FBXW12: variants seen among roughly 807,000 people sequenced by gnomAD.
The protein encoded by FBXW12 is F-box/WD repeat-containing protein 12.
In FBXW12, 43 loss-of-function variants were observed where a neutral mutation model predicts 55.3. That is an observed-to-expected ratio of 0.78 (90% CI 0.61 to 1.00). FBXW12 has a LOEUF of 1.00. FBXW12 is among the 50% of genes least tolerant of loss of function. The pLI, the probability that FBXW12 is intolerant of heterozygous loss-of-function variation, is 0.00. For synonymous variants in FBXW12, 184 were observed against 203.8 expected (o/e 0.90, Z 0.83); for missense variants, 524 against 560.5 (o/e 0.93, Z 0.66).
intron 4 of FBXW12, among the ~76,000 whole-genome samples, chr3:48,374,972 A>G (rs1027213572): frequency 2.0e-5 from 3 of 152,034 alleles, no homozygotes; most frequent in African/African-American, 7.3e-5. Flanking sequence ...CATGTTGGCC[A>G]GGCCGGTCTA....
Position 48,389,068 on chromosome 3 carries a change from C to G in FBXW12, c.1296-5492C>G, listed in dbSNP as rs1204006001. On this transcript the variant is annotated intron_variant, in intron 10 of 10. Coordinates refer to ENST00000296438, the MANE Select transcript of FBXW12 (RefSeq NM_207102.2). ...GTAAACACCATTCTATCTTCTACATCTACGAGTCTAATTTATTTAGATTCC... is the reference window on the plus strand; with the variant it reads ...GTAAACACCATTCTATCTTCTACATGTACGAGTCTAATTTATTTAGATTCC... Among the ~76,000 whole-genome samples the G allele has an allele frequency of 3.3e-5, 5 of 152,260 alleles. No homozygotes were observed. The East Asian group carries it at 9.6e-4, about 29-fold the overall frequency.
At chr3:48,393,423 G>C (rs542476687) in intron 10 of FBXW12, among the ~76,000 whole-genome samples, 2 of 152,142 alleles carry the variant, frequency 1.3e-5, no homozygotes, top group African/African-American at 4.8e-5. Context: ...GCAAGGCAGG[G>C]ATGGTCAACA....
At chr3:48,382,176 G>C (rs2036786623) in intron 10 of FBXW12, 91 bp downstream of exon 10, 4 of 1,423,624 alleles carry the variant, frequency 2.8e-6, no homozygotes, top group Non-Finnish European at 3.9e-6. Flanking sequence ...TAGTGCAGTG[G>C]CGTGATCTCA....
At chr3:48,372,352 A>G in intron 1 of FBXW12, 32 bp downstream of exon 1, 2 of 1,551,236 alleles carry the variant, frequency 1.3e-6, no homozygotes, top group East Asian at 2.4e-5. Context: ...GCAGACTCCA[A>G]TTCCAGGAGT....
chr3:48,382,329 A>C (rs764411268), intron 10 of FBXW12, among the ~76,000 whole-genome samples: 15 of 152,130 alleles, frequency 9.9e-5, no homozygotes, highest in South Asian at 6.2e-4. Context: ...GTTGGCCAGG[A>C]TGGTCTCGAT....
rs769036969 is a variant in FBXW12 at position 48,378,340 on chromosome 3, A to T, written c.429A>T (p.Pro143=). 1 of 1,614,124 alleles carries T rather than the reference A, an allele frequency of 6.2e-7. No individual in the cohort carries two copies. ...AGGGTACCATGATCTGGTCAAGCCC[A>T]GTCCAGGAGTTCCATTTCTCAAATC... is the stretch of plus-strand genomic sequence containing the variant. ...VQEGTMIWSS[P]VQEFHFSNLV... The change falls in exon 6 of 11, where the codon CCA becomes CCT. Residue 143 remains proline (P), a synonymous_variant. Transcript: ENST00000296438.
At chr3:48,384,818 TTTTTTG>T (rs1213898913) in intron 10 of FBXW12, among the ~76,000 whole-genome samples, 2 of 152,200 alleles carry the variant, frequency 1.3e-5, no homozygotes, top group East Asian at 3.8e-4. Context: ...ATTGATTTTC[TTTTTTG>T]TTAGTGGTCA....
chr3:48,382,397 A>G (rs1166666307), intron 10 of FBXW12, among the ~76,000 whole-genome samples: 2 of 152,024 alleles, frequency 1.3e-5, no homozygotes, highest in Admixed American at 1.3e-4. Context: ...TACAGGCGTG[A>G]GCCACCGCAC....
rs750108393 is a variant in FBXW12 at position 48,373,673 on chromosome 3, A to G, written c.254A>G (p.His85Arg). 3.7e-6 allele frequency: 6 copies of G among 1,614,196 alleles called. No homozygotes were observed. The South Asian group carries it at 6.6e-5, about 18-fold the overall frequency. The change falls in exon 4 of 11, where the codon CAT (histidine) becomes CGT (arginine). Residue 85 changes from histidine (H) to arginine (R), a missense_variant. Physicochemically the swap from His to Arg is conservative, Grantham distance 29. Coordinates refer to ENST00000296438, the MANE Select transcript of FBXW12 (RefSeq NM_207102.2). ...CTTCGGTTGGCATTGGCACAGCCGCATAACTTTATCTACAAAGTAACTAAG... is the reference window on the plus strand; with the variant it reads ...CTTCGGTTGGCATTGGCACAGCCGCGTAACTTTATCTACAAAGTAACTAAG... ...KELRLALAQP[H>R]NFIYKVTKNI... is the part of the protein sequence containing the mutation.
rs2036782713 is a variant in FBXW12 at position 48,381,987 on chromosome 3, C to T, written c.1197C>T (p.Asn399=). The change falls in exon 10 of 11, where the codon AAC becomes AAT. Residue 399 remains asparagine, a synonymous_variant. Transcript: ENST00000296438. The part of the protein sequence containing the change: ...DPCYVLTTSE[N]SVHVYMWEEG... ...GCTATGTGCTCACCACATCCGAGAACTCTGTGCACGTGTACATGTGGGAAG... is the reference window on the plus strand; with the variant it reads ...GCTATGTGCTCACCACATCCGAGAATTCTGTGCACGTGTACATGTGGGAAG... 1 of 1,614,174 alleles carries T rather than the reference C, an allele frequency of 6.2e-7. No homozygotes were observed. The highest frequency in any genetic ancestry group is 8.5e-7 in the Non-Finnish European group (1 of 1,180,020).
chr3:48,372,932 A>C, intron 2 of FBXW12, 75 bp downstream of exon 2: 1 of 1,360,772 alleles, frequency 7.3e-7, no homozygotes, highest in South Asian at 1.2e-5. Flanking sequence ...ACTTTGCAGA[A>C]TAGCAGAGGG....
At chr3:48,375,311 C>T (rs540560968) in intron 4 of FBXW12, 43 bp from the exon 5 acceptor site, 1 of 1,137,460 alleles carries the variant, frequency 8.8e-7, no homozygotes, top group Middle Eastern at 2.0e-4. Flanking sequence ...TTTGGATCAT[C>T]CCTTAACTAT....
intron 10 of FBXW12, among the ~76,000 whole-genome samples, chr3:48,392,893 T>C (rs1367800309): frequency 6.6e-6 from 1 of 152,194 alleles, no homozygotes; most frequent in African/African-American, 2.4e-5. Flanking sequence ...CCTGTTTGGG[T>C]TTGATTAACT....
In FBXW12 at chr3:48,373,702, A is replaced by T. The variant is rs568098614; in HGVS notation, c.283A>T (p.Ile95Phe). The change falls in exon 4 of 11, where the codon ATC (isoleucine) becomes TTC (phenylalanine). Residue 95 changes from isoleucine (I) to phenylalanine (F), a missense_variant. Physicochemically the swap from Ile to Phe is conservative, Grantham distance 21. Transcript: ENST00000296438. ...HNFIYKVTKN[I>F]AFETELAYLS... ...CTTTATCTACAAAGTAACTAAGAAC[A>T]TCGGTATGGGTATAGGTGCCCTAGA... 3.7e-6 allele frequency: 6 copies of T among 1,613,560 alleles called. No homozygotes were observed. Among genetic ancestry groups the T allele is most frequent in the Non-Finnish European group, 4.2e-6 (5 of 1,179,552 alleles).
intron 2 of FBXW12, 58 bp downstream of exon 2, chr3:48,372,915 G>A: frequency 1.3e-6 from 2 of 1,501,350 alleles, no homozygotes; most frequent in Non-Finnish European, 1.9e-6. Context: ...CGACCAGTTT[G>A]AGCACCACTT....
chr3:48,373,408 C>T (rs2036632175), intron 3 of FBXW12, 63 bp downstream of exon 3: 1 of 1,613,500 alleles, frequency 6.2e-7, no homozygotes, highest in South Asian at 1.1e-5. Flanking sequence ...CGCACCCATG[C>T]TGTGTCCCAA....
At chr3:48,386,305 G>A (rs1409184430) in intron 10 of FBXW12, among the ~76,000 whole-genome samples, 1 of 152,142 alleles carries the variant, frequency 6.6e-6, no homozygotes, top group African/African-American at 2.4e-5. Context: ...GACTATAAAT[G>A]TGCAGGTTTA....
chr3:48,383,080 T>TA (rs1455307957), intron 10 of FBXW12, among the ~76,000 whole-genome samples: 3 of 152,238 alleles, frequency 2.0e-5, no homozygotes, highest in African/African-American at 7.2e-5. Context: ...TTAACTTTTT[T>TA]ACAAGAATAG....
chr3:48,393,782 C>CTT lies in FBXW12; in HGVS notation c.1296-765_1296-764dup, dbSNP rs33998468. 5.1e-3 allele frequency among the ~76,000 whole-genome samples: 703 copies of CTT among 138,454 alleles called. 9 individuals are homozygous for CTT. The highest frequency in any genetic ancestry group is 0.015 in the African/African-American group (553 of 37,036). 90.8% of individuals were successfully genotyped at this position (138,454 alleles called of 152,430 possible). A position where few individuals can be genotyped will look rare whatever the true frequency, so the allele number is the denominator to read the frequency against. Reference sequence around the variant, plus strand: ...CTATGAGAAAATATTTTTTTTCTTTCTTTTTTTTTTTTTTGAGATGGAATA... The same window carrying CTT: ...CTATGAGAAAATATTTTTTTTCTTTCTTTTTTTTTTTTTTTTGAGATGGAATA... On this transcript the variant is annotated intron_variant, in intron 10 of 10. Transcript: ENST00000296438.
Sources: gnomAD v4.1 joint callset for allele counts (sites outside exome capture counted in the v4.1 genomes callset) on GRCh38, gnomAD v4.1.1 for gene constraint, MANE v1.5 for transcripts, NCBI Gene and HGNC (gene_info 2026-07-23, HGNC 2026-07-21) for gene names.